Variants in SEMA6D observed in about 807,000 individuals in gnomAD.
SEMA6D encodes the protein semaphorin 6D.
A neutral mutation model predicts 106.6 loss-of-function variants in SEMA6D; 35 were observed. The observed-to-expected ratio is 0.33, with a 90% CI of 0.25 to 0.44. The LOEUF (loss-of-function observed/expected upper bound fraction) is 0.44, where lower values mean the gene tolerates loss of function less well. SEMA6D is among the 20% of genes least tolerant of loss of function. SEMA6D has a pLI of 1.00. For synonymous variants in SEMA6D, 499 were observed against 487.7 expected (o/e 1.02, Z -0.31); for missense variants, 1,185 against 1,345.9 (o/e 0.88, Z 1.87).
chr15:47,667,264 C>G (rs1471324661), intron 4 of SEMA6D, among the ~76,000 whole-genome samples: 1 of 152,186 alleles, frequency 6.6e-6, no homozygotes, highest in African/African-American at 2.4e-5. Flanking sequence ...CCATCATCAA[C>G]AAGTTTTGAT....
intron 3 of SEMA6D, among the ~76,000 whole-genome samples, chr15:47,594,777 C>A (rs1369633): frequency 0.28 from 43,112 of 151,916 alleles, 7,920 homozygotes; most frequent in African/African-American, 0.52. Context: ...GGAAGTAACC[C>A]AGTTTAGGAA....
chr15:47,724,256 A>C (rs1433926927), intron 1 of SEMA6D, among the ~76,000 whole-genome samples: 2 of 152,274 alleles, frequency 1.3e-5, no homozygotes, highest in African/African-American at 4.8e-5. Flanking sequence ...GCTGGCACTA[A>C]CATTTGTTCA....
chr15:47,770,035 G>T (rs2082545983), intron 18 of SEMA6D, among the ~76,000 whole-genome samples: 1 of 152,032 alleles, frequency 6.6e-6, no homozygotes, highest in Non-Finnish European at 1.5e-5. Flanking sequence ...TAGTATAATT[G>T]TATCAGAGTA....
chr15:47,712,804 T>C (rs2079045181), upstream of SEMA6D, among the ~76,000 whole-genome samples: 1 of 152,198 alleles, frequency 6.6e-6, no homozygotes, highest in African/African-American at 2.4e-5. Context: ...GAGAAGTCTG[T>C]CAGGAATTTG....
chr15:47,647,798 T>C (rs989511467), intron 4 of SEMA6D, among the ~76,000 whole-genome samples: 3 of 152,026 alleles, frequency 2.0e-5, no homozygotes, highest in African/African-American at 7.2e-5. Context: ...TGAAATATTC[T>C]ACAGATTGTA....
At chr15:47,357,289 G>A (rs965649331) in intron 1 of SEMA6D, among the ~76,000 whole-genome samples, 6 of 151,924 alleles carry the variant, frequency 3.9e-5, no homozygotes, top group African/African-American at 4.8e-5. Flanking sequence ...AGCCAAGATC[G>A]GGCCACTGCA....
At chr15:47,273,270 A>G (rs572113407) in intron 1 of SEMA6D, among the ~76,000 whole-genome samples, 1 of 150,816 alleles carries the variant, frequency 6.6e-6, no homozygotes, top group Admixed American at 6.6e-5. Flanking sequence ...AAAGCACCAC[A>G]GAAGTCTTTT....
chr15:47,208,898 G>A (rs1274967996), intron 1 of SEMA6D, among the ~76,000 whole-genome samples: 4 of 152,004 alleles, frequency 2.6e-5, no homozygotes, highest in African/African-American at 7.3e-5. Context: ...TACTGCCTGT[G>A]GTTTCTTTCA....
At chr15:47,648,363 C>T (rs577190411) in intron 4 of SEMA6D, among the ~76,000 whole-genome samples, 69 of 152,210 alleles carry the variant, frequency 4.5e-4, no homozygotes, top group African/African-American at 1.4e-3. Flanking sequence ...TGGGTGTGTG[C>T]GAGTGTGCCC....
chr15:47,758,264 G>A (rs1379017940), intron 1 of SEMA6D, among the ~76,000 whole-genome samples: 1 of 152,140 alleles, frequency 6.6e-6, no homozygotes, highest in South Asian at 2.1e-4. Context: ...ATGCATATCT[G>A]TGTGCTTCAC....
upstream of SEMA6D, among the ~76,000 whole-genome samples, chr15:47,713,440 C>G (rs1386995192): frequency 6.6e-6 from 1 of 152,192 alleles, no homozygotes; most frequent in African/African-American, 2.4e-5. Context: ...CATATGCAGA[C>G]TGTTGACACA....
intron 1 of SEMA6D, among the ~76,000 whole-genome samples, chr15:47,316,944 T>C (rs2036708137): frequency 6.6e-6 from 1 of 152,314 alleles, no homozygotes; most frequent in African/African-American, 2.4e-5. Context: ...GTTTAGGAAG[T>C]AGACCCTCTG....
chr15:47,325,163 T>TTTTTTG (rs1181482863), intron 1 of SEMA6D, among the ~76,000 whole-genome samples: 1 of 151,938 alleles, frequency 6.6e-6, no homozygotes, highest in African/African-American at 2.4e-5. Context: ...TGAAGCGTTT[T>TTTTTTG]TTTTTTGTTT....
At chr15:47,258,759 C>G (rs1466028595) in intron 1 of SEMA6D, among the ~76,000 whole-genome samples, 1 of 152,068 alleles carries the variant, frequency 6.6e-6, no homozygotes, top group African/African-American at 2.4e-5. Context: ...GATCCAATTT[C>G]CATAATAAAT....
At chr15:47,528,925 T>A (rs937945473) in intron 3 of SEMA6D, among the ~76,000 whole-genome samples, 2 of 152,184 alleles carry the variant, frequency 1.3e-5, no homozygotes, top group African/African-American at 4.8e-5. Flanking sequence ...ATCTATAACA[T>A]AAATAGTTGC....
chr15:47,256,627 G>A (rs149277381), intron 1 of SEMA6D, among the ~76,000 whole-genome samples: 2 of 152,246 alleles, frequency 1.3e-5, no homozygotes, highest in South Asian at 2.1e-4. Flanking sequence ...TCGGGAGGCC[G>A]AGGCGGGCAG....
intron 1 of SEMA6D, among the ~76,000 whole-genome samples, chr15:47,202,586 T>G (rs1894794706): frequency 6.6e-6 from 1 of 152,112 alleles, no homozygotes; most frequent in African/African-American, 2.4e-5. Flanking sequence ...TGGAAGTATG[T>G]CAACATATAA....
intron 4 of SEMA6D, among the ~76,000 whole-genome samples, chr15:47,665,069 TC>T (rs1170223999): frequency 5.9e-5 from 9 of 152,152 alleles, no homozygotes; most frequent in Non-Finnish European, 1.2e-4. Flanking sequence ...TCGTTATTCT[TC>T]CTATTTTAAT....
At position 47,760,390 on chromosome 15, in the gene SEMA6D, C is replaced by A; in HGVS notation, c.196C>A (p.Arg66=). The change falls in exon 3 of 19, where the codon CGA becomes AGA. Residue 66 remains arginine (R), a synonymous_variant. Coordinates refer to ENST00000536845, the MANE Select transcript of SEMA6D (RefSeq NM_001358351.3). ...GGACTTTCAGCTGATGTTGAAAATT[C>A]GAGACACACTTTATATTGCTGGCAG... ...RLDFQLMLKI[R]DTLYIAGRDQ... is the part of the protein sequence containing the mutation. 1 of 1,613,412 alleles carries A rather than the reference C, an allele frequency of 6.2e-7. No homozygotes were observed. The highest frequency in any genetic ancestry group is 8.5e-7 in the Non-Finnish European group (1 of 1,179,530).
Sources: allele counts gnomAD v4.1 joint callset (sites outside exome capture counted in the v4.1 genomes callset), GRCh38; gene constraint gnomAD v4.1.1; transcripts MANE v1.5; gene names NCBI Gene and HGNC (gene_info 2026-07-23, HGNC 2026-07-21).